The following SENP1 variants were observed in gnomAD, a reference collection of about 807,000 sequenced individuals.
SENP1 encodes SUMO specific peptidase 1, also known as sentrin-specific protease 1.
Under a neutral mutation model 93.0 loss-of-function variants are expected in SENP1, and 21 were observed. That is an observed-to-expected ratio of 0.23 (90% CI 0.16 to 0.33). The LOEUF is 0.33. Among genes scored for constraint, SENP1 ranks in the 10% least tolerant of loss-of-function variants. SENP1 has a pLI of 1.00. For missense variants in SENP1, 591 were observed against 758.7 expected (o/e 0.78, Z 2.60); for synonymous variants, 256 against 259.6 (o/e 0.99, Z 0.13).
chr12:48,083,777 TG>T lies in SENP1; in HGVS notation c.381-16del. 1.9e-6 allele frequency: 3 copies of T among 1,578,868 alleles called. No individual in the cohort carries two copies. Among genetic ancestry groups the T allele is most frequent in the Non-Finnish European group, 2.6e-6 (3 of 1,162,346 alleles). ...TTGATAATCCACTAAAAAAAGAGTT[TG>T]TAAGAAAGATAAGAACAGATAATAA... On this transcript the variant is annotated splice_polypyrimidine_tract_variant and intron_variant, in intron 5 of 17. Coordinates refer to ENST00000549518, the MANE Select transcript of SENP1 (RefSeq NM_001267594.2).
chr12:48,095,082 A>G (rs906095467), intron 4 of SENP1, among the ~76,000 whole-genome samples: 4 of 152,206 alleles, frequency 2.6e-5, no homozygotes, highest in African/African-American at 9.6e-5. Context: ...ATAAAGTATC[A>G]CCCACCTAAA....
At chr12:48,085,021 G>A in intron 5 of SENP1, 2 of 991,280 alleles carry the variant, frequency 2.0e-6, no homozygotes, top group Non-Finnish European at 3.0e-6. Flanking sequence ...AAATGAGAGT[G>A]GCTTCTGGTG....
rs1258989872 is a variant in SENP1, at chr12:48,043,358, A to G, written c.*1964T>C. On this transcript the variant is annotated 3_prime_UTR_variant, in exon 18 of 18. Coordinates refer to ENST00000549518, the MANE Select transcript of SENP1 (RefSeq NM_001267594.2). ...TGGACAAACAATAAATACAGAGAAC[A>G]ATCTTGTTCTGAGTCCCCCAGACAA... is the stretch of plus-strand genomic sequence containing the variant. 2 of 152,668 alleles carry G rather than the reference A, an allele frequency of 1.3e-5. No homozygotes were observed. The highest frequency in any genetic ancestry group is 2.9e-5 in the Non-Finnish European group (2 of 68,044). 9.5% of individuals were successfully genotyped at this position (152,668 alleles called of 1,614,324 possible). A position where few individuals can be genotyped will look rare whatever the true frequency, so the allele number is the denominator to read the frequency against.
At chr12:48,069,264 A>T (rs542889763) in intron 9 of SENP1, among the ~76,000 whole-genome samples, 2 of 152,302 alleles carry the variant, frequency 1.3e-5, no homozygotes, top group Admixed American at 1.3e-4. Flanking sequence ...CAGAATGTAT[A>T]AAGGCAAAGA....
At chr12:48,063,573 A>T (rs1320418731) in intron 13 of SENP1, 137 bp downstream of exon 13, 2 of 730,726 alleles carry the variant, frequency 2.7e-6, no homozygotes, top group Admixed American at 3.2e-5. Context: ...CATAGTTACA[A>T]GAATGAAGAG....
At position 48,096,401 on chromosome 12, in the gene SENP1, C is replaced by T. The variant is rs976339857; in HGVS notation, c.162G>A (p.Leu54=). 2 of 1,610,056 alleles carry T rather than the reference C, an allele frequency of 1.2e-6. No individual in the cohort carries two copies. The highest frequency in any genetic ancestry group is 1.7e-6 in the Non-Finnish European group (2 of 1,176,968). Residue 54 remains leucine (L), a synonymous_variant, in exon 4 of 18, where the codon TTG becomes TTA. Transcript: ENST00000549518. Reference sequence around the variant, plus strand: ...TTGTGGAACATGTAAAAGATCGGTCCAAATGTCCTTGCCTGGAAGATAAAA... The same window carrying T: ...TTGTGGAACATGTAAAAGATCGGTCTAAATGTCCTTGCCTGGAAGATAAAA... ...QQILSSRQGH[L]DRSFTCSTRS...
chr12:48,045,562 T>C (rs1941303520), intron 17 of SENP1, among the ~76,000 whole-genome samples, 178 bp from the exon 18 acceptor site: 1 of 152,214 alleles, frequency 6.6e-6, no homozygotes, highest in Non-Finnish European at 1.5e-5. Context: ...GCTTTTTCTA[T>C]TGTTATTTTT....
intron 5 of SENP1, chr12:48,084,984 G>A: frequency 1.5e-6 from 1 of 684,198 alleles, no homozygotes; most frequent in Admixed American, 3.0e-5. Context: ...AAGTCTTCTT[G>A]GGTTTGTACG....
chr12:48,096,645 G>A (rs548915142), intron 3 of SENP1, among the ~76,000 whole-genome samples: 155 of 152,046 alleles, frequency 1.0e-3, no homozygotes, highest in South Asian at 9.1e-3. Flanking sequence ...TAGTAGAGAC[G>A]GGGTTTCACC....
rs141629734 is a variant in SENP1 at position 48,091,065 on chromosome 12, T to C, written c.221-2105A>G. 4.7e-3 allele frequency among the ~76,000 whole-genome samples: 723 copies of C among 152,286 alleles called. 7 individuals are homozygous for C. The highest frequency in any genetic ancestry group is 0.016 in the African/African-American group (647 of 41,558). On this transcript the variant is annotated intron_variant, in intron 4 of 17. Coordinates refer to ENST00000549518, the MANE Select transcript of SENP1 (RefSeq NM_001267594.2). ...TTTAATTGTGGTTATGTTCTAATGA[T>C]AGAGTGATGGGTATTTTTCTACTTT...
chr12:48,075,322 A>G (rs1377805400), intron 6 of SENP1, among the ~76,000 whole-genome samples: 2 of 152,198 alleles, frequency 1.3e-5, no homozygotes, highest in Non-Finnish European at 2.9e-5. Context: ...ATTATGGAAC[A>G]TATATTTAAA....
At chr12:48,073,606 G>A (rs1943869254) in intron 8 of SENP1, among the ~76,000 whole-genome samples, 1 of 152,062 alleles carries the variant, frequency 6.6e-6, no homozygotes, top group Admixed American at 6.6e-5. Flanking sequence ...AACCTATCAC[G>A]ACAAAACCTT....
intron 4 of SENP1, among the ~76,000 whole-genome samples, chr12:48,094,676 T>C (rs935377201): frequency 6.6e-6 from 1 of 151,832 alleles, no homozygotes. Context: ...CGAGACTCCA[T>C]CTCAAAAAAT....
chr12:48,088,770 G>A (rs930532579), intron 5 of SENP1, 31 bp downstream of exon 5: 17 of 1,591,956 alleles, frequency 1.1e-5, no homozygotes, highest in African/African-American at 1.3e-5. Context: ...TCTGAGGAAG[G>A]GCTTGAGAAC....
intron 1 of SENP1, 73 bp downstream of exon 1, chr12:48,105,955 C>T (rs1946535925): frequency 4.3e-6 from 3 of 694,102 alleles, no homozygotes; most frequent in East Asian, 2.7e-5. Context: ...GCCGGCTGAC[C>T]GGGTCCGACA....
intron 13 of SENP1, among the ~76,000 whole-genome samples, chr12:48,049,584 A>G (rs530617779): frequency 6.6e-6 from 1 of 152,308 alleles, no homozygotes; most frequent in Admixed American, 6.5e-5. Flanking sequence ...GTCAAGTTAA[A>G]ATCAAGAACT....
chr12:48,091,476 C>A (rs1202974927), intron 4 of SENP1, among the ~76,000 whole-genome samples: 1 of 151,840 alleles, frequency 6.6e-6, no homozygotes, highest in Admixed American at 6.6e-5. Context: ...AATGTGTCAG[C>A]TAACTACTTA....
intron 4 of SENP1, among the ~76,000 whole-genome samples, chr12:48,090,479 C>T (rs1193441488): frequency 6.6e-6 from 1 of 152,184 alleles, no homozygotes; most frequent in Admixed American, 6.6e-5. Context: ...GAAGATCAGG[C>T]AGTCTGTTTA....
intron 5 of SENP1, chr12:48,085,246 G>A: frequency 6.4e-7 from 1 of 1,552,164 alleles, no homozygotes; most frequent in Non-Finnish European, 8.9e-7. Context: ...GATGACACTG[G>A]CATCATCCTC....
Sources: allele counts gnomAD v4.1 joint callset (sites outside exome capture counted in the v4.1 genomes callset), GRCh38; gene constraint gnomAD v4.1.1; transcripts MANE v1.5; gene names NCBI Gene and HGNC (gene_info 2026-07-23, HGNC 2026-07-21).